Variants in CENPT observed in about 807,000 individuals in gnomAD.
The protein encoded by CENPT is centromere protein T.
A neutral mutation model predicts 59.7 loss-of-function variants in CENPT; 42 were observed. The ratio of observed to expected loss-of-function variants is 0.70; its 90% CI spans 0.55 to 0.91. The LOEUF is 0.91. CENPT is among the 40% of genes least tolerant of loss of function. The probability of loss-of-function intolerance (pLI) is 0.00; values close to 1 mark genes in which losing one functional copy is unlikely to be tolerated. For synonymous variants in CENPT, 295 were observed against 289.6 expected, an observed-to-expected ratio of 1.02 and a Z score of -0.19; for missense variants, 716 against 713.4, an observed-to-expected ratio of 1.00 and a Z score of -0.04.
intron 3 of CENPT, 60 bp from the exon 4 acceptor site, chr16:67,834,160 G>A (rs2057720503): frequency 3.1e-6 from 1 of 322,052 alleles, no homozygotes; most frequent in Admixed American, 5.0e-5. Flanking sequence ...AGGAGTTGAT[G>A]TTTAACTCAG....
At position 67,843,627 on chromosome 16, in the gene CENPT, C is replaced by A; in HGVS notation, c.-492+3774G>T. 1 of 955,582 alleles carries A rather than the reference C, an allele frequency of 1.0e-6. No individual in the cohort carries two copies. The highest frequency in any genetic ancestry group is 1.5e-6 in the Non-Finnish European group (1 of 651,958). 59.2% of individuals were successfully genotyped at this position (955,582 alleles called of 1,614,324 possible). On this transcript the variant is annotated intron_variant, in intron 1 of 15. Transcript: ENST00000562787. This position sits in a 1 kb window ranked among gnomAD's most constrained non-coding sequence, Gnocchi z 5.7. ...CTGAGGCTTAAGGCAGCTGGACTCT[C>A]TTGCTGGTGACCTGGCATCCTCAAT...
intron 1 of CENPT, among the ~76,000 whole-genome samples, chr16:67,838,105 T>C (rs1345313237): frequency 6.6e-6 from 1 of 152,110 alleles, no homozygotes; most frequent in Admixed American, 6.6e-5. Flanking sequence ...AGCCATGCAT[T>C]CCAGATATGC....
At chr16:67,846,560 T>G (rs2057800405) in intron 1 of CENPT, among the ~76,000 whole-genome samples, 1 of 152,230 alleles carries the variant, frequency 6.6e-6, no homozygotes, top group Admixed American at 6.5e-5. Flanking sequence ...GAGGGGCAGC[T>G]GGGCCAGCTT....
chr16:67,838,984 C>T (rs954841739), intron 1 of CENPT, among the ~76,000 whole-genome samples: 1 of 151,582 alleles, frequency 6.6e-6, no homozygotes, highest in Admixed American at 6.6e-5. Context: ...GGTGCAGTGG[C>T]TCACACTTGT....
chr16:67,829,447 G>C lies in CENPT; in HGVS notation c.1256C>G (p.Pro419Arg), dbSNP rs565446582. Residue 419 changes from proline to arginine, a missense_variant, in exon 13 of 16, where the codon CCA becomes CGA. Transcript: ENST00000562787. ...CACTGCAGCACCAGGCGCTGGGGCT[G>C]GCTCAAGAAACTGATGATGTCGCCT... is the stretch of plus-strand genomic sequence containing the variant. Reference protein sequence around the residue: ...QARRHHQFLEPAPAPGAAVLS... With the variant: ...QARRHHQFLERAPAPGAAVLS... 1 of 1,582,584 alleles carries C rather than the reference G, an allele frequency of 6.3e-7. No homozygotes were observed. The highest frequency in any genetic ancestry group is 1.4e-5 in the African/African-American group (1 of 72,730).
Position 67,832,214 on chromosome 16 carries a change from C to T in CENPT, c.289+14G>A, listed in dbSNP as rs765627364. On this transcript the variant is annotated intron_variant, in intron 6 of 15. Coordinates refer to ENST00000562787, the MANE Select transcript of CENPT (RefSeq NM_025082.4). ...TGGTACCTAACTCTGACCGGCAGGC[C>T]AGCGCTCACTTACCAGTTAGTAGGA... 3.7e-6 allele frequency: 6 copies of T among 1,613,830 alleles called. No homozygotes were observed. In the East Asian group the frequency reaches 1.3e-4, roughly 36 times the overall value.
At chr16:67,840,396 A>C (rs1364440743) in intron 1 of CENPT, among the ~76,000 whole-genome samples, 1 of 152,214 alleles carries the variant, frequency 6.6e-6, no homozygotes, top group Non-Finnish European at 1.5e-5. Context: ...AGGAGAGAAA[A>C]AAGGACAAGA....
In CENPT at chr16:67,833,765, C is replaced by CG; in HGVS notation, c.94dup (p.Arg32ProfsTer13). Reference sequence around the variant, plus strand: ...CCTCACATACCCAGCCCGAGCACTCCGGGGTCGCCGCGGGGTGCGCGGGTC... The same window carrying CG: ...CCTCACATACCCAGCCCGAGCACTCCGGGGGTCGCCGCGGGGTGCGCGGGTC... On this transcript the variant is annotated frameshift_variant, in exon 4 of 16. Transcript: ENST00000562787. LOFTEE classifies it high-confidence loss of function. 1 of 1,555,356 alleles carries CG rather than the reference C, an allele frequency of 6.4e-7. No individual in the cohort carries two copies. The highest frequency in any genetic ancestry group is 8.7e-7 in the Non-Finnish European group (1 of 1,153,532).
chr16:67,830,001 ACAC>A lies in CENPT; in HGVS notation c.947_949del (p.Gly316del). On this transcript the variant is annotated inframe_deletion, in exon 12 of 16. Transcript: ENST00000562787. The stretch of plus-strand genomic sequence containing the variant: ...GGGCTCTACTTCATCTTCTCCAGAG[ACAC>A]CACTGCTGGTGCTCAGGAAGCCCAG... 1 of 1,614,150 alleles carries A rather than the reference ACAC, an allele frequency of 6.2e-7. No individual in the cohort carries two copies. The highest frequency in any genetic ancestry group is 8.5e-7 in the Non-Finnish European group (1 of 1,180,018).
At chr16:67,830,692 C>G in intron 10 of CENPT, 144 bp from the exon 11 acceptor site, 1 of 773,678 alleles carries the variant, frequency 1.3e-6, no homozygotes, top group Non-Finnish European at 2.1e-6. Flanking sequence ...CCCTGAGTGG[C>G]CTTCAGAGAA....
In CENPT at chr16:67,841,698, T is replaced by C. The variant is rs555353737; in HGVS notation, c.-492+5703A>G. On this transcript the variant is annotated intron_variant, in intron 1 of 15. Transcript: ENST00000562787. ...TGACTCCCGCAAACTCCCGGCACCG[T>C]GTCAGCCACATAGTAGGCGTCTACT... 6 of 152,398 alleles carry C rather than the reference T, an allele frequency of 3.9e-5. No homozygotes were observed. The East Asian group carries it at 7.7e-4, about 20-fold the overall frequency. 9.4% of individuals were successfully genotyped at this position (152,398 alleles called of 1,614,324 possible).
rs1231830812 is a variant in CENPT, at chr16:67,843,465, C to T, written c.-492+3936G>A. The T allele has an allele frequency of 1.2e-6, 2 of 1,612,784 alleles. No homozygotes were observed. The highest frequency in any genetic ancestry group is 1.7e-6 in the Non-Finnish European group (2 of 1,179,344). ...CTGCGTGAGAAGGATCGGCTGCTTG[C>T]CATGGCTGTCATCCGCAAGAAGCAC... is the stretch of plus-strand genomic sequence containing the variant. On this transcript the variant is annotated intron_variant, in intron 1 of 15. Coordinates refer to ENST00000562787, the MANE Select transcript of CENPT (RefSeq NM_025082.4). This position sits in a 1 kb window ranked among gnomAD's most constrained non-coding sequence, Gnocchi z 5.7.
intron 13 of CENPT, 129 bp from the exon 14 acceptor site, chr16:67,828,972 G>T: frequency 1.1e-6 from 1 of 925,192 alleles, no homozygotes; most frequent in Non-Finnish European, 1.6e-6. Context: ...CAGCAGCCCT[G>T]ACCACCTGCT....
In CENPT at chr16:67,831,858, G is replaced by C. The variant is rs746006421; in HGVS notation, c.419C>G (p.Pro140Arg). 11 of 1,611,478 alleles carry C rather than the reference G, an allele frequency of 6.8e-6. No individual in the cohort carries two copies. The highest frequency in any genetic ancestry group is 9.3e-6 in the Non-Finnish European group (11 of 1,179,262). ...CAGCAGACCTGGAGCCAGGGTTGTG[G>C]GGGGCTCGAGCTCAGGAAGTTGCAG... ...LELQLPELEP[P>R]TTLAPGLLAP... is the part of the protein sequence containing the mutation. Residue 140 changes from proline (P) to arginine (R), a missense_variant, in exon 8 of 16, where the codon CCC (proline) becomes CGC (arginine). Pro to Arg is a moderately radical substitution (Grantham distance 103). Coordinates refer to ENST00000562787, the MANE Select transcript of CENPT (RefSeq NM_025082.4).
chr16:67,842,356 GGCGGC>G lies in CENPT; in HGVS notation c.-492+5040_-492+5044del. On this transcript the variant is annotated intron_variant, in intron 1 of 15. Transcript: ENST00000562787. The surrounding 1 kb of genome is among the most constrained non-coding windows in gnomAD (Gnocchi z 4.9). ...CCGAGCGCAGGCGGGCAGCCAGGCG[GGCGGC>G]GCGGCGCGGGCCGGCAGGAAGCGTA... The G allele has an allele frequency of 4.6e-6, 1 of 218,032 alleles. No homozygotes were observed. The highest frequency in any genetic ancestry group is 8.4e-6 in the Non-Finnish European group (1 of 118,668). The allele number at this position is 218,032 out of a possible 1,614,324, so 13.5% of individuals were successfully genotyped here. A position where few individuals can be genotyped will look rare whatever the true frequency, so the allele number is the denominator to read the frequency against.
rs1400381804 is a variant in CENPT, at chr16:67,828,361, A to G, written c.1592T>C (p.Leu531Pro). 1.2e-6 allele frequency: 2 copies of G among 1,610,358 alleles called. No homozygotes were observed. The highest frequency in any genetic ancestry group is 1.7e-6 in the Non-Finnish European group (2 of 1,177,148). ...RQGLVTDQVS[L>P]HVLVERHLPL... ...CAGGTGCCGCTCCACTAGCACGTGC[A>G]GTGAGACTTGGTCAGTGACCAGGCC... The change falls in exon 16 of 16, where the codon CTG becomes CCG. Residue 531 changes from leucine (L) to proline (P), a missense_variant. Coordinates refer to ENST00000562787, the MANE Select transcript of CENPT (RefSeq NM_025082.4).
At chr16:67,831,516 C>T (rs2057688610) in intron 9 of CENPT, 60 bp downstream of exon 9, 3 of 1,600,152 alleles carry the variant, frequency 1.9e-6, no homozygotes, top group East Asian at 2.2e-5. Flanking sequence ...CCAGGCAGCA[C>T]CTCCCTCCCC....
In CENPT at chr16:67,828,225, G is replaced by A. The variant is rs776998203; in HGVS notation, c.*42C>T. On this transcript the variant is annotated 3_prime_UTR_variant, in exon 16 of 16. Coordinates refer to ENST00000562787, the MANE Select transcript of CENPT (RefSeq NM_025082.4). ...GACCTGGAGAAATATGTGGGGGCAA[G>A]AGTCCCCAGGTGGGGACAGGGAAAG... 1.3e-6 allele frequency: 2 copies of A among 1,537,356 alleles called. No homozygotes were observed. The highest frequency in any genetic ancestry group is 1.8e-6 in the Non-Finnish European group (2 of 1,141,142).
chr16:67,841,275 CTT>C, intron 1 of CENPT, among the ~76,000 whole-genome samples: 1 of 148,394 alleles, frequency 6.7e-6, no homozygotes, highest in Middle Eastern at 3.4e-3. Flanking sequence ...AATGCAAATC[CTT>C]TCCCATAAAA....
Sources: allele counts gnomAD v4.1 joint callset (sites outside exome capture counted in the v4.1 genomes callset), GRCh38; gene constraint gnomAD v4.1.1; non-coding constraint Gnocchi (gnomAD v3.1); transcripts MANE v1.5; gene names NCBI Gene and HGNC (gene_info 2026-07-23, HGNC 2026-07-21).